Variants in NMD3 observed in about 807,000 individuals in gnomAD.
NMD3 encodes the protein 60S ribosomal export protein NMD3.
A neutral mutation model predicts 73.1 loss-of-function variants in NMD3; 47 were observed. The observed-to-expected ratio is 0.64, with a 90% CI of 0.51 to 0.82. The LOEUF is 0.82. Among genes scored for constraint, NMD3 ranks in the 40% least tolerant of loss-of-function variants. The pLI, the probability that NMD3 is intolerant of heterozygous loss-of-function variation, is 0.00. For synonymous variants in NMD3, 210 were observed against 194.5 expected, an observed-to-expected ratio of 1.08 and a Z score of -0.66; for missense variants, 554 against 612.5, an observed-to-expected ratio of 0.90 and a Z score of 1.01.
intron 4 of NMD3, among the ~76,000 whole-genome samples, chr3:161,231,099 C>T (rs192016332): frequency 6.6e-6 from 1 of 152,200 alleles, no homozygotes; most frequent in East Asian, 1.9e-4. Context: ...TATAATTTAG[C>T]CTAGTGGCTA....
intron 9 of NMD3, among the ~76,000 whole-genome samples, chr3:161,239,503 T>G (rs1736889062): frequency 6.6e-6 from 1 of 152,198 alleles, no homozygotes; most frequent in African/African-American, 2.4e-5. Context: ...TTGTGACCAT[T>G]CTACATAAAG....
At chr3:161,222,209 A>C in intron 2 of NMD3, 152 bp downstream of exon 2, 2 of 666,712 alleles carry the variant, frequency 3.0e-6, no homozygotes, top group Non-Finnish European at 5.3e-6. Flanking sequence ...TAGAAAATCG[A>C]ATTAGTTTCT....
chr3:161,241,060 T>A lies in NMD3; in HGVS notation c.768T>A (p.Cys256Ter). ...IVPICKDNVV[C>*]LSPKLAQSLG... ...CTTATGCCTAGGATAATGTTGTCTG[T>A]CTGTCTCCAAAACTGGCACAAAGCC... is the stretch of plus-strand genomic sequence containing the variant. The change falls in exon 10 of 16, where the codon TGT (cysteine) becomes TGA (stop). Residue 256 changes from cysteine to a stop codon, truncating the protein, a stop_gained. Transcript: ENST00000351193. LOFTEE classifies it high-confidence loss of function. 1 of 1,610,114 alleles carries A rather than the reference T, an allele frequency of 6.2e-7. No homozygotes were observed. Among genetic ancestry groups the A allele is most frequent in the Non-Finnish European group, 8.5e-7 (1 of 1,177,420 alleles).
intron 9 of NMD3, among the ~76,000 whole-genome samples, chr3:161,239,872 A>G (rs1242200348): frequency 6.6e-6 from 1 of 152,190 alleles, no homozygotes; most frequent in Non-Finnish European, 1.5e-5. Context: ...TAATATGTAA[A>G]GGAATGTCAG....
At chr3:161,244,718 A>C (rs1737130906) in intron 11 of NMD3, among the ~76,000 whole-genome samples, 1 of 146,594 alleles carries the variant, frequency 6.8e-6, no homozygotes, top group Admixed American at 6.9e-5. Context: ...ATCATAGGTC[A>C]CTGGAACCTT....
intron 5 of NMD3, 134 bp from the exon 6 acceptor site, chr3:161,234,593 T>A (rs1433524436): frequency 1.6e-6 from 1 of 607,204 alleles, no homozygotes; most frequent in Admixed American, 3.1e-5. Context: ...ACTTTAAATT[T>A]GAGGACATTT....
intron 2 of NMD3, 79 bp from the exon 3 acceptor site, chr3:161,224,851 T>C: frequency 7.2e-7 from 1 of 1,389,392 alleles, no homozygotes. Context: ...TTGAAGGCTT[T>C]TGTTTGTTTG....
intron 2 of NMD3, 96 bp downstream of exon 2, chr3:161,222,153 G>T: frequency 1.1e-6 from 1 of 949,782 alleles, no homozygotes; most frequent in South Asian, 1.4e-5. Flanking sequence ...GGGTGGGAAA[G>T]AGCGTATATT....
At chr3:161,232,166 C>A (rs1478190518) in intron 4 of NMD3, among the ~76,000 whole-genome samples, 2 of 136,468 alleles carry the variant, frequency 1.5e-5, no homozygotes, top group African/African-American at 5.7e-5. Flanking sequence ...TTAACCACTG[C>A]TGATGGAGAT....
rs773318862 is a variant in NMD3 at position 161,233,498 on chromosome 3, T to C, written c.357+19T>C. 1 of 1,489,036 alleles carries C rather than the reference T, an allele frequency of 6.7e-7. No homozygotes were observed. The highest frequency in any genetic ancestry group is 1.4e-5 in the African/African-American group (1 of 72,440). 92.2% of individuals were successfully genotyped at this position (1,489,036 alleles called of 1,614,324 possible). The stretch of plus-strand genomic sequence containing the variant: ...GAAAGAGGTAAGCAGTACATAATTT[T>C]CTCAGCATGGTTAAAGTGCAGGTAG... On this transcript the variant is annotated intron_variant, in intron 5 of 15. Transcript: ENST00000351193.
Position 161,234,832 on chromosome 3 carries a change from G to T in NMD3, c.463G>T (p.Ala155Ser). ...HRVEAKDFWKAVIQVRQKTLH... is the reference protein window; with the variant it reads ...HRVEAKDFWKSVIQVRQKTLH... Reference sequence around the variant, plus strand: ...AGTAGAAGCTAAGGATTTCTGGAAGGCTGTGATTCAAGTGAGGCAAAAGGT... The same window carrying T: ...AGTAGAAGCTAAGGATTTCTGGAAGTCTGTGATTCAAGTGAGGCAAAAGGT... The change falls in exon 6 of 16, where the codon GCT becomes TCT. Residue 155 changes from alanine to serine, a missense_variant. Transcript: ENST00000351193. The T allele has an allele frequency of 5.0e-6, 8 of 1,613,364 alleles. No individual in the cohort carries two copies. Among genetic ancestry groups the T allele is most frequent in the Non-Finnish European group, 6.8e-6 (8 of 1,179,562 alleles).
At chr3:161,227,410 T>A in intron 4 of NMD3, 67 bp downstream of exon 4, 1 of 966,796 alleles carries the variant, frequency 1.0e-6, no homozygotes, top group Middle Eastern at 2.2e-4. Flanking sequence ...TTTCAGAAAA[T>A]TCTTGTGAGT....
At chr3:161,227,206 C>T in intron 3 of NMD3, 41 bp from the exon 4 acceptor site, 1 of 1,221,946 alleles carries the variant, frequency 8.2e-7, no homozygotes, top group Non-Finnish European at 1.2e-6. Flanking sequence ...TCTGTGTTTC[C>T]TGACAGATGT....
intron 11 of NMD3, 84 bp from the exon 12 acceptor site, chr3:161,246,252 A>G: frequency 1.9e-6 from 1 of 516,950 alleles, no homozygotes; most frequent in Non-Finnish European, 3.3e-6. Context: ...AAAACCAAAA[A>G]TCAATATTGT....
chr3:161,231,391 A>G (rs964778082), intron 4 of NMD3, among the ~76,000 whole-genome samples: 8 of 152,158 alleles, frequency 5.3e-5, no homozygotes, highest in African/African-American at 1.9e-4. Flanking sequence ...AGGAAGGTGG[A>G]TAATATTTTG....
intron 11 of NMD3, 115 bp downstream of exon 11, chr3:161,242,768 C>A: frequency 2.4e-6 from 2 of 840,986 alleles, no homozygotes; most frequent in South Asian, 2.9e-5. Context: ...CCAAACTTAG[C>A]ACCACATTAG....
chr3:161,242,554 T>C lies in NMD3; in HGVS notation c.918T>C (p.Ser306=). The stretch of plus-strand genomic sequence containing the variant: ...CTTTCTGGAGTCACCCTTTCAATAG[T>C]TTATGTCATCCCAAACAGCTAGAGG... ...GSTFWSHPFN[S]LCHPKQLEEF... The change falls in exon 11 of 16, where the codon AGT becomes AGC. Residue 306 remains serine (S), a synonymous_variant. Transcript: ENST00000351193. 6.2e-7 allele frequency: 1 copy of C among 1,613,714 alleles called. No homozygotes were observed. Among genetic ancestry groups the C allele is most frequent in the Non-Finnish European group, 8.5e-7 (1 of 1,179,702 alleles).
At chr3:161,234,126 A>T (rs1736648610) in intron 5 of NMD3, among the ~76,000 whole-genome samples, 1 of 151,420 alleles carries the variant, frequency 6.6e-6, no homozygotes, top group Non-Finnish European at 1.5e-5. Flanking sequence ...TTTTTTTTTG[A>T]GAAGTTTTCC....
chr3:161,227,550 C>T (rs925334511), intron 4 of NMD3, among the ~76,000 whole-genome samples: 6 of 149,360 alleles, frequency 4.0e-5, no homozygotes, highest in South Asian at 4.3e-4. Flanking sequence ...CGGGTTCACA[C>T]GATTCTCCTG....
Sources: gnomAD v4.1 joint callset for allele counts (sites outside exome capture counted in the v4.1 genomes callset) on GRCh38, gnomAD v4.1.1 for gene constraint, MANE v1.5 for transcripts, NCBI Gene and HGNC (gene_info 2026-07-23, HGNC 2026-07-21) for gene names.